ASTN1: variants seen among roughly 807,000 people sequenced by gnomAD.
ASTN1 encodes astrotactin 1.
Under a neutral mutation model 140.7 loss-of-function variants are expected in ASTN1, and 41 were observed. That is an observed-to-expected ratio of 0.29 (90% CI 0.23 to 0.38). The LOEUF is 0.38. Among genes scored for constraint, ASTN1 ranks in the 10% least tolerant of loss-of-function variants. The probability of loss-of-function intolerance (pLI) is 1.00; values close to 1 mark genes in which losing one functional copy is unlikely to be tolerated. For missense variants in ASTN1, 1,479 were observed against 1,678.8 expected (o/e 0.88, Z 2.08); for synonymous variants, 640 against 652.2 (o/e 0.98, Z 0.29).
At chr1:177,023,979 CT>C (rs1453539541) in intron 6 of ASTN1, among the ~76,000 whole-genome samples, 2 of 152,208 alleles carry the variant, frequency 1.3e-5, no homozygotes, top group African/African-American at 2.4e-5. Context: ...CCCTCTAACA[CT>C]GCGTGAACAG....
intron 16 of ASTN1, among the ~76,000 whole-genome samples, chr1:176,920,256 G>A (rs1296568425): frequency 6.6e-6 from 1 of 152,148 alleles, no homozygotes; most frequent in East Asian, 1.9e-4. Flanking sequence ...AAGGGTGACT[G>A]CTTTCTCAGC....
intron 1 of ASTN1, among the ~76,000 whole-genome samples, chr1:177,154,916 C>T (rs909303223): frequency 3.3e-5 from 5 of 152,112 alleles, no homozygotes; most frequent in Non-Finnish European, 7.4e-5. Flanking sequence ...TACTAATGTT[C>T]ATAGTATTTT....
In ASTN1 at chr1:176,924,994, T is replaced by C. The variant is rs151256456; in HGVS notation, c.2671+9158A>G. On this transcript the variant is annotated intron_variant, in intron 16 of 22. Coordinates refer to ENST00000361833, the MANE Select transcript of ASTN1 (RefSeq NM_004319.3). ...AATGTTGCCTAGAGTAGTACAAAGC[T>C]ATTAAATAAAAAAGTCAGCTTATTG... Among the ~76,000 whole-genome samples the C allele has an allele frequency of 6.6e-3, 1,010 of 152,312 alleles. 5 individuals carry two copies. Among genetic ancestry groups the C allele is most frequent in the Non-Finnish European group, 0.011 (720 of 68,020 alleles).
At chr1:177,023,642 A>G in intron 6 of ASTN1, 71 bp from the exon 7 acceptor site, 1 of 1,430,398 alleles carries the variant, frequency 7.0e-7, no homozygotes, top group African/African-American at 1.5e-5. Flanking sequence ...ACCGAAGACA[A>G]GGAAATCCCA....
rs1558046408 is a variant in ASTN1, at chr1:177,032,954, C to CT, written c.472-106_472-105insA. On this transcript the variant is annotated intron_variant, in intron 2 of 22. Transcript: ENST00000361833. ...ACCATTCATCACTTATTTATGCATT[C>CT]ATTCATTCAGCTGTATTAAGCATTT... The CT allele has an allele frequency of 3.8e-6, 5 of 1,300,856 alleles. No homozygotes were observed. The South Asian group carries it at 5.9e-5, about 15-fold the overall frequency. 80.6% of individuals were successfully genotyped at this position (1,300,856 alleles called of 1,614,324 possible). A position where few individuals can be genotyped will look rare whatever the true frequency, so the allele number is the denominator to read the frequency against.
At chr1:177,125,471 C>T (rs1681596199) in intron 1 of ASTN1, among the ~76,000 whole-genome samples, 3 of 152,164 alleles carry the variant, frequency 2.0e-5, no homozygotes, top group Admixed American at 2.0e-4. Flanking sequence ...TTAAAGTGAA[C>T]ACCATTCCTT....
At chr1:177,105,108 T>C (rs1680489944) in intron 1 of ASTN1, among the ~76,000 whole-genome samples, 1 of 152,192 alleles carries the variant, frequency 6.6e-6, no homozygotes, top group Non-Finnish European at 1.5e-5. Flanking sequence ...TTAGGAATTC[T>C]AGGCCCATCA....
In ASTN1 at chr1:177,032,885, TG is replaced by T. The variant is rs762180954; in HGVS notation, c.472-37del. On this transcript the variant is annotated intron_variant, in intron 2 of 22. Transcript: ENST00000361833. ...AGGACCACAGATGGATGTGGGAAGA[TG>T]GGTAGGCTCTTCCCACAAAGAGTCA... 3 of 1,541,854 alleles carry T rather than the reference TG, an allele frequency of 1.9e-6. No homozygotes were observed. In the South Asian group the frequency reaches 3.7e-5, roughly 19 times the overall value.
chr1:176,886,466 C>T (rs184107412), intron 18 of ASTN1, among the ~76,000 whole-genome samples: 5 of 152,266 alleles, frequency 3.3e-5, no homozygotes, highest in African/African-American at 1.2e-4. Flanking sequence ...TCCCTTTATA[C>T]TAAATGAAGG....
At chr1:176,912,821 T>C (rs1291578143) in intron 16 of ASTN1, among the ~76,000 whole-genome samples, 1 of 152,230 alleles carries the variant, frequency 6.6e-6, no homozygotes, top group Non-Finnish European at 1.5e-5. Flanking sequence ...GGCTTTCTCA[T>C]AGCAAGCTCA....
chr1:177,102,611 G>C (rs1051897329), intron 1 of ASTN1, among the ~76,000 whole-genome samples: 4 of 152,088 alleles, frequency 2.6e-5, no homozygotes, highest in South Asian at 2.1e-4. Context: ...AATTAAAAAG[G>C]CTTAAACAGC....
chr1:177,095,255 G>A (rs1282657281), intron 1 of ASTN1, among the ~76,000 whole-genome samples: 2 of 152,178 alleles, frequency 1.3e-5, no homozygotes, highest in African/African-American at 4.8e-5. Context: ...TATCCATGTT[G>A]GAAGAAATGA....
chr1:177,101,284 A>G (rs1310078167), intron 1 of ASTN1, among the ~76,000 whole-genome samples: 1 of 152,166 alleles, frequency 6.6e-6, no homozygotes, highest in South Asian at 2.1e-4. Context: ...TTCAAAATAG[A>G]CCCAAACTGG....
chr1:176,960,889 G>T (rs1334810580), intron 9 of ASTN1, among the ~76,000 whole-genome samples: 1 of 152,004 alleles, frequency 6.6e-6, no homozygotes, highest in Non-Finnish European at 1.5e-5. Flanking sequence ...AAGCTCCCCA[G>T]GGCCTTCACC....
chr1:176,984,119 C>G (rs1008655992), intron 8 of ASTN1, among the ~76,000 whole-genome samples: 1 of 152,210 alleles, frequency 6.6e-6, no homozygotes, highest in Non-Finnish European at 1.5e-5. Context: ...CATACCTCAT[C>G]GATACCGTGA....
At chr1:177,139,728 G>A (rs535586595) in intron 1 of ASTN1, among the ~76,000 whole-genome samples, 1 of 152,226 alleles carries the variant, frequency 6.6e-6, no homozygotes, top group South Asian at 2.1e-4. Context: ...CATCAAGAGG[G>A]TAAGACAAGG....
intron 9 of ASTN1, among the ~76,000 whole-genome samples, chr1:176,961,852 C>A (rs1479862615): frequency 6.6e-6 from 1 of 152,156 alleles, no homozygotes; most frequent in Non-Finnish European, 1.5e-5. Context: ...TTTCCCAACT[C>A]GGGCCTTCTC....
At chr1:176,868,728 C>G in intron 22 of ASTN1, 116 bp downstream of exon 22, 1 of 1,161,864 alleles carries the variant, frequency 8.6e-7, no homozygotes, top group Non-Finnish European at 1.2e-6. Flanking sequence ...ACTGACTTCT[C>G]TGATTGCCTA....
intron 1 of ASTN1, among the ~76,000 whole-genome samples, chr1:177,138,513 C>T (rs1395747458): frequency 2.0e-5 from 3 of 152,278 alleles, no homozygotes; most frequent in East Asian, 1.9e-4. Flanking sequence ...AAAGGAGAGG[C>T]TGCTGACCCA....
Sources: gnomAD v4.1 joint callset for allele counts (sites outside exome capture counted in the v4.1 genomes callset) on GRCh38, gnomAD v4.1.1 for gene constraint, MANE v1.5 for transcripts, NCBI Gene and HGNC (gene_info 2026-07-23, HGNC 2026-07-21) for gene names.